STXBP5L: variants seen among roughly 807,000 people sequenced by gnomAD.
STXBP5L encodes the protein syntaxin binding protein 5L, also known as syntaxin-binding protein 5-like.
Under a neutral mutation model 144.5 loss-of-function variants are expected in STXBP5L, and 65 were observed. That is an observed-to-expected ratio of 0.45 (90% CI 0.37 to 0.55). STXBP5L has a LOEUF of 0.55. Ranked by LOEUF, STXBP5L falls within the 20% of genes least tolerant of loss-of-function variation. The probability of loss-of-function intolerance (pLI) is 0.00; values close to 1 mark genes in which losing one functional copy is unlikely to be tolerated. For synonymous variants in STXBP5L, 505 were observed against 469.6 expected (o/e 1.08, Z -0.97); for missense variants, 1,298 against 1,405.5 (o/e 0.92, Z 1.22).
intron 3 of STXBP5L, among the ~76,000 whole-genome samples, chr3:121,016,605 A>T (rs1273564123): frequency 6.6e-6 from 1 of 152,222 alleles, no homozygotes. Context: ...AGAATATCCA[A>T]TAACTGTGTG....
At chr3:121,313,994 C>T (rs1229444839) in intron 19 of STXBP5L, among the ~76,000 whole-genome samples, 33 of 150,352 alleles carry the variant, frequency 2.2e-4, no homozygotes, top group Non-Finnish European at 3.5e-4. Context: ...ACATCTCAGA[C>T]GATGGGCGGC....
chr3:121,057,131 A>G (rs974196983), intron 5 of STXBP5L, among the ~76,000 whole-genome samples: 6 of 151,956 alleles, frequency 3.9e-5, no homozygotes, highest in Admixed American at 3.9e-4. Context: ...CTACAGTTAA[A>G]TGCAACATGG....
At chr3:120,927,884 A>G (rs1709720172) in intron 2 of STXBP5L, among the ~76,000 whole-genome samples, 1 of 152,172 alleles carries the variant, frequency 6.6e-6, no homozygotes, top group Non-Finnish European at 1.5e-5. Flanking sequence ...AAGATTATAT[A>G]TTTAGTAGAA....
intron 18 of STXBP5L, among the ~76,000 whole-genome samples, chr3:121,260,729 A>T (rs963549527): frequency 6.6e-6 from 1 of 152,034 alleles, no homozygotes; most frequent in African/African-American, 2.4e-5. Context: ...TTTCACTTTT[A>T]TTTCTGTACT....
intron 10 of STXBP5L, among the ~76,000 whole-genome samples, chr3:121,211,296 G>A (rs1156470507): frequency 3.3e-5 from 5 of 152,286 alleles, no homozygotes; most frequent in Middle Eastern, 6.8e-3. Context: ...AGACTTTGCT[G>A]ATGTTGCTTA....
intron 19 of STXBP5L, among the ~76,000 whole-genome samples, chr3:121,282,633 C>A (rs572715564): frequency 1.8e-4 from 27 of 152,022 alleles, no homozygotes; most frequent in Non-Finnish European, 3.4e-4. Context: ...GGAGGAAGAG[C>A]TATGATGCCC....
intron 3 of STXBP5L, among the ~76,000 whole-genome samples, chr3:121,002,920 G>A (rs913401223): frequency 4.6e-5 from 7 of 152,156 alleles, no homozygotes; most frequent in Admixed American, 1.3e-4. Context: ...ATTCCATGGT[G>A]TATATGTGCA....
At chr3:121,287,783 C>T (rs1469097974) in intron 19 of STXBP5L, among the ~76,000 whole-genome samples, 6 of 151,712 alleles carry the variant, frequency 4.0e-5, no homozygotes, top group Non-Finnish European at 5.9e-5. Context: ...GAGCCGAGAT[C>T]GCGCCACTGC....
intron 7 of STXBP5L, among the ~76,000 whole-genome samples, chr3:121,125,658 C>T (rs980956002): frequency 5.3e-5 from 8 of 152,084 alleles, no homozygotes; most frequent in Admixed American, 3.9e-4. Context: ...TCTCTTGTCT[C>T]CCAAACAAAT....
intron 7 of STXBP5L, among the ~76,000 whole-genome samples, chr3:121,123,034 C>A (rs1281076351): frequency 1.3e-5 from 2 of 151,046 alleles, no homozygotes; most frequent in Non-Finnish European, 3.0e-5. Context: ...ATAAGCCTAC[C>A]AAAAAAGATG....
chr3:121,121,101 A>G (rs1042392406), intron 6 of STXBP5L, among the ~76,000 whole-genome samples: 3 of 151,310 alleles, frequency 2.0e-5, no homozygotes, highest in African/African-American at 4.8e-5. Flanking sequence ...GGTATAACCA[A>G]TGAACTAGGT....
intron 18 of STXBP5L, among the ~76,000 whole-genome samples, chr3:121,267,313 G>A (rs867637575): frequency 6.6e-6 from 1 of 152,148 alleles, no homozygotes; most frequent in Non-Finnish European, 1.5e-5. Context: ...AATGGTGAAA[G>A]AATTCCCTAT....
At chr3:121,085,663 G>A (rs2042454420) in intron 5 of STXBP5L, among the ~76,000 whole-genome samples, 1 of 152,144 alleles carries the variant, frequency 6.6e-6, no homozygotes, top group South Asian at 2.1e-4. Context: ...ACTGCTCAAG[G>A]AAATCAGAGA....
intron 20 of STXBP5L, among the ~76,000 whole-genome samples, chr3:121,350,072 G>T (rs1184348440): frequency 6.6e-6 from 1 of 152,102 alleles, no homozygotes; most frequent in African/African-American, 2.4e-5. Flanking sequence ...TTTACAATTT[G>T]GCATGTTTTT....
At chr3:121,101,549 A>G (rs557362067) in intron 5 of STXBP5L, among the ~76,000 whole-genome samples, 7 of 152,192 alleles carry the variant, frequency 4.6e-5, no homozygotes, top group African/African-American at 1.7e-4. Flanking sequence ...AATAAGAAAC[A>G]TCAACAAACT....
intron 8 of STXBP5L, among the ~76,000 whole-genome samples, chr3:121,155,970 T>C (rs1403067720): frequency 1.3e-5 from 2 of 151,808 alleles, no homozygotes; most frequent in African/African-American, 4.8e-5. Context: ...ATGAGGCTCA[T>C]CAAAGTTAAC....
chr3:121,050,234 T>C (rs1269985306), intron 5 of STXBP5L, among the ~76,000 whole-genome samples: 1 of 152,162 alleles, frequency 6.6e-6, no homozygotes, highest in Non-Finnish European at 1.5e-5. Flanking sequence ...ACGCCAAATC[T>C]CTAAACTTAG....
intron 10 of STXBP5L, among the ~76,000 whole-genome samples, chr3:121,217,504 G>A (rs905955558): frequency 2.6e-5 from 4 of 152,030 alleles, no homozygotes; most frequent in African/African-American, 9.7e-5. Context: ...ACCCTCCGTG[G>A]TCTGCACCCA....
At chr3:121,380,384 C>T (rs983463461) in intron 21 of STXBP5L, among the ~76,000 whole-genome samples, 5 of 152,062 alleles carry the variant, frequency 3.3e-5, no homozygotes, top group African/African-American at 7.2e-5. Flanking sequence ...TATCCTCTTT[C>T]TATAAAAACA....
Sources: allele counts gnomAD v4.1 joint callset (sites outside exome capture counted in the v4.1 genomes callset), GRCh38; gene constraint gnomAD v4.1.1; transcripts MANE v1.5; gene names NCBI Gene and HGNC (gene_info 2026-07-23, HGNC 2026-07-21).